Variants in COL22A1 observed in about 807,000 individuals in gnomAD.
COL22A1 encodes collagen type XXII alpha 1 chain.
A neutral mutation model predicts 248.9 loss-of-function variants in COL22A1; 221 were observed. That is an observed-to-expected ratio of 0.89 (90% CI 0.80 to 0.99). The LOEUF is 0.99. Among genes scored for constraint, COL22A1 ranks in the 50% least tolerant of loss-of-function variants. The pLI, the probability that COL22A1 is intolerant of heterozygous loss-of-function variation, is 0.00. For synonymous variants in COL22A1, 891 were observed against 793.4 expected (o/e 1.12, Z -2.07); for missense variants, 2,240 against 2,179.0 (o/e 1.03, Z -0.56).
intron 3 of COL22A1, among the ~76,000 whole-genome samples, chr8:138,875,573 T>A (rs1823654407): frequency 6.6e-6 from 1 of 152,236 alleles, no homozygotes; most frequent in Admixed American, 6.5e-5. Context: ...TTCTACTTCT[T>A]AGCTGGGGCT....
chr8:138,778,991 G>C (rs146984696), intron 14 of COL22A1, among the ~76,000 whole-genome samples: 51 of 152,198 alleles, frequency 3.4e-4, no homozygotes, highest in African/African-American at 1.2e-3. Context: ...TTCAGCCAAG[G>C]GTATCCCAAT....
intron 22 of COL22A1, among the ~76,000 whole-genome samples, chr8:138,747,813 G>C (rs1394209336): frequency 6.6e-6 from 1 of 152,064 alleles, no homozygotes; most frequent in Non-Finnish European, 1.5e-5. Flanking sequence ...GGAAAGGTGA[G>C]AAGAAAAGGG....
At chr8:138,853,760 T>G (rs1821810765) in intron 3 of COL22A1, among the ~76,000 whole-genome samples, 1 of 152,140 alleles carries the variant, frequency 6.6e-6, no homozygotes, top group African/African-American at 2.4e-5. Flanking sequence ...GGCAAGCACA[T>G]TCACACACCA....
At chr8:138,828,895 C>A (rs750879522) in intron 5 of COL22A1, among the ~76,000 whole-genome samples, 15 of 152,206 alleles carry the variant, frequency 9.9e-5, no homozygotes, top group Non-Finnish European at 1.9e-4. Context: ...CAGCTGACTG[C>A]ACCTTAACTG....
At chr8:138,627,543 C>T (rs944116460) in intron 50 of COL22A1, among the ~76,000 whole-genome samples, 12 of 152,208 alleles carry the variant, frequency 7.9e-5, no homozygotes, top group Admixed American at 2.0e-4. Context: ...ACCTCTGACT[C>T]GCCGTTCAGT....
At chr8:138,708,402 G>A (rs918916855) in intron 30 of COL22A1, among the ~76,000 whole-genome samples, 2 of 152,184 alleles carry the variant, frequency 1.3e-5, no homozygotes, top group Non-Finnish European at 2.9e-5. Context: ...AAAGGCTACA[G>A]TAACCAAAAC....
At position 138,892,868 on chromosome 8, in the gene COL22A1, G is replaced by A. The variant is rs539898103; in HGVS notation, c.-72-9624C>T. Among the ~76,000 whole-genome samples, 42 of 152,350 alleles carry A rather than the reference G, an allele frequency of 2.8e-4. No homozygotes were observed. In the South Asian group the frequency reaches 7.9e-3, roughly 29 times the overall value. On this transcript the variant is annotated intron_variant, in intron 1 of 64. Coordinates refer to ENST00000303045, the MANE Select transcript of COL22A1 (RefSeq NM_152888.3). ...TCTGGCCTCTGCCCATTGCGGGTGGGGGCTGGGGGAATGAGGCACTGCTGA... is the reference window on the plus strand; with the variant it reads ...TCTGGCCTCTGCCCATTGCGGGTGGAGGCTGGGGGAATGAGGCACTGCTGA...
intron 6 of COL22A1, among the ~76,000 whole-genome samples, chr8:138,821,937 C>T (rs1015302425): frequency 3.3e-5 from 5 of 152,184 alleles, no homozygotes; most frequent in African/African-American, 9.7e-5. Context: ...TAGCAGAGGT[C>T]TGACCTGTCT....
chr8:138,669,366 G>A (rs1378051999), intron 41 of COL22A1, among the ~76,000 whole-genome samples: 2 of 152,178 alleles, frequency 1.3e-5, no homozygotes, highest in East Asian at 3.9e-4. Flanking sequence ...GGTCCTGGAG[G>A]CCGGTCAGGG....
chr8:138,815,611 C>CT (rs577027995), intron 7 of COL22A1, among the ~76,000 whole-genome samples: 9 of 152,202 alleles, frequency 5.9e-5, no homozygotes, highest in Non-Finnish European at 1.2e-4. Context: ...CCTAACAGCA[C>CT]TTCTCACAAT....
chr8:138,780,802 A>G lies in COL22A1; in HGVS notation c.1650+125T>C. The G allele has an allele frequency of 2.5e-6, 2 of 798,270 alleles. 1 individual carries two copies. The allele number at this position is 798,270 out of a possible 1,614,324, so 49.4% of individuals were successfully genotyped here. A position where few individuals can be genotyped will look rare whatever the true frequency, so the allele number is the denominator to read the frequency against. ...TCCTGGTATCTGCGAGGATCCTAAT[A>G]TAAATACGTCCCCACTCAAGTCTGG... On this transcript the variant is annotated intron_variant, in intron 13 of 64. Transcript: ENST00000303045.
intron 3 of COL22A1, among the ~76,000 whole-genome samples, chr8:138,864,115 C>T (rs2131972336): frequency 6.6e-6 from 1 of 152,228 alleles, no homozygotes; most frequent in African/African-American, 2.4e-5. Context: ...AGGGACCATT[C>T]CCATTTGGAC....
intron 3 of COL22A1, among the ~76,000 whole-genome samples, chr8:138,863,495 G>A (rs1822640878): frequency 6.6e-6 from 1 of 152,116 alleles, no homozygotes; most frequent in South Asian, 2.1e-4. Context: ...GGGGGCCTAG[G>A]GGTACATGGA....
chr8:138,794,162 G>A (rs944967960), intron 12 of COL22A1, among the ~76,000 whole-genome samples: 4 of 152,112 alleles, frequency 2.6e-5, no homozygotes, highest in Non-Finnish European at 5.9e-5. Context: ...TGAGGCAGGC[G>A]GATCACCTGA....
At position 138,716,233 on chromosome 8, in the gene COL22A1, T is replaced by C. The variant is rs1586552982; in HGVS notation, c.2457A>G (p.Gly819=). 3.8e-6 allele frequency: 6 copies of C among 1,584,660 alleles called. No homozygotes were observed. Among genetic ancestry groups the C allele is most frequent in the Non-Finnish European group, 5.2e-6 (6 of 1,163,204 alleles). Residue 819 remains glycine (G), a synonymous_variant, in exon 29 of 65, where the codon GGA becomes GGG. Coordinates refer to ENST00000303045, the MANE Select transcript of COL22A1 (RefSeq NM_152888.3). The stretch of plus-strand genomic sequence containing the variant: ...AGGAAGCTGCCACACTTACCTGGTC[T>C]CCTTTCTCTCCTCTCACACCTGGGA... The part of the protein sequence containing the change: ...PGFPGVRGEK[G]DQGEKGELGL...
At chr8:138,805,980 GATTGTGTGTGA>G (rs1817581187) in intron 10 of COL22A1, among the ~76,000 whole-genome samples, 1 of 121,414 alleles carries the variant, frequency 8.2e-6, no homozygotes, top group African/African-American at 2.7e-5. Flanking sequence ...TAGTGTGTGT[GATTGTGTGTGA>G]TGGTGTGTGT....
At chr8:138,810,313 A>G (rs1818103836) in intron 9 of COL22A1, among the ~76,000 whole-genome samples, 1 of 152,206 alleles carries the variant, frequency 6.6e-6, no homozygotes, top group Non-Finnish European at 1.5e-5. Context: ...TTGTGACCAA[A>G]ACCTTACCAT....
Position 138,833,033 on chromosome 8 carries a change from A to G in COL22A1, c.845+6T>C. ...GGCAGGTCTGGAAAGAGAAGTGGCC[A>G]CTCACTCAGTACTTTGCACCACAGG... On this transcript the variant is annotated splice_donor_region_variant and intron_variant, in intron 5 of 64. Transcript: ENST00000303045. The G allele has an allele frequency of 6.3e-7, 1 of 1,579,792 alleles. No homozygotes were observed. Among genetic ancestry groups the G allele is most frequent in the Non-Finnish European group, 8.7e-7 (1 of 1,148,804 alleles).
At chr8:138,650,388 ACTT>A (rs1303153421) in intron 45 of COL22A1, among the ~76,000 whole-genome samples, 1 of 152,160 alleles carries the variant, frequency 6.6e-6, no homozygotes, top group Non-Finnish European at 1.5e-5. Context: ...GCTTTGTTCT[ACTT>A]CTTTAAGGCA....
Sources: gnomAD v4.1 joint callset for allele counts (sites outside exome capture counted in the v4.1 genomes callset) on GRCh38, gnomAD v4.1.1 for gene constraint, MANE v1.5 for transcripts, NCBI Gene and HGNC (gene_info 2026-07-23, HGNC 2026-07-21) for gene names.